The following CLOCK variants were observed in gnomAD, a reference collection of about 807,000 sequenced individuals.
CLOCK encodes the protein circadian locomoter output cycles protein kaput.
In CLOCK, 43 loss-of-function variants were observed where a neutral mutation model predicts 118.4. The ratio of observed to expected loss-of-function variants is 0.36; its 90% confidence interval spans 0.28 to 0.47. CLOCK has a LOEUF of 0.47. CLOCK is among the 20% of genes least tolerant of loss of function. CLOCK has a pLI of 1.00. For synonymous variants in CLOCK, 326 were observed against 339.2 expected (o/e 0.96, Z 0.43); for missense variants, 846 against 999.9 (o/e 0.85, Z 2.08).
At chr4:55,475,403 A>C (rs1726438599) in intron 7 of CLOCK, among the ~76,000 whole-genome samples, 1 of 152,232 alleles carries the variant, frequency 6.6e-6, no homozygotes, top group Non-Finnish European at 1.5e-5. Context: ...ACATGACAGC[A>C]AAGGATACAG....
chr4:55,508,079 T>C (rs1051382668), intron 2 of CLOCK, among the ~76,000 whole-genome samples: 1 of 152,198 alleles, frequency 6.6e-6, no homozygotes, highest in African/African-American at 2.4e-5. Context: ...TCTCCTAATA[T>C]AGTACTTAAC....
intron 21 of CLOCK, among the ~76,000 whole-genome samples, chr4:55,439,135 C>G (rs1285329979): frequency 6.6e-6 from 1 of 152,064 alleles, no homozygotes; most frequent in African/African-American, 2.4e-5. Flanking sequence ...GGATTAGTAA[C>G]CAGAATGTCT....
At chr4:55,527,961 G>A (rs1730311389) in intron 1 of CLOCK, among the ~76,000 whole-genome samples, 2 of 151,618 alleles carry the variant, frequency 1.3e-5, no homozygotes, top group Admixed American at 1.3e-4. Context: ...TAGCCTAGGA[G>A]TTCAAGGCTG....
chr4:55,495,843 G>A (rs1381540370), intron 2 of CLOCK, among the ~76,000 whole-genome samples: 2 of 152,004 alleles, frequency 1.3e-5, no homozygotes, highest in African/African-American at 4.8e-5. Flanking sequence ...AACTGGGATA[G>A]CATGTGATCC....
intron 11 of CLOCK, among the ~76,000 whole-genome samples, chr4:55,458,275 T>C (rs1417929934): frequency 6.6e-6 from 1 of 152,154 alleles, no homozygotes; most frequent in Non-Finnish European, 1.5e-5. Context: ...TTGCCCAGGC[T>C]GGTCTCAAAC....
intron 2 of CLOCK, among the ~76,000 whole-genome samples, chr4:55,490,486 G>A (rs1727595096): frequency 6.6e-6 from 1 of 152,062 alleles, no homozygotes; most frequent in Non-Finnish European, 1.5e-5. Context: ...GGAAAGCATA[G>A]ATTTAAACAG....
intron 1 of CLOCK, among the ~76,000 whole-genome samples, chr4:55,510,904 G>C (rs879403904): frequency 1.1e-4 from 17 of 152,108 alleles, no homozygotes; most frequent in Non-Finnish European, 1.9e-4. Context: ...AAAAGGTGAA[G>C]CAATTTGCCC....
chr4:55,501,458 C>T (rs1341535360), intron 2 of CLOCK: 1 of 141,962 alleles, frequency 7.0e-6, no homozygotes, highest in Non-Finnish European at 1.6e-5. Context: ...CACTCTGTCA[C>T]TCAGGCTAGA....
intron 1 of CLOCK, among the ~76,000 whole-genome samples, chr4:55,514,500 TC>T (rs34028624): frequency 2.6e-4 from 38 of 147,582 alleles, no homozygotes; most frequent in Middle Eastern, 6.9e-3. Context: ...AACATTTTTA[TC>T]CCCCCCCCAC....
intron 2 of CLOCK, among the ~76,000 whole-genome samples, chr4:55,494,067 G>A (rs1426563352): frequency 1.3e-5 from 2 of 152,202 alleles, no homozygotes; most frequent in Non-Finnish European, 2.9e-5. Flanking sequence ...TGCCCACAGA[G>A]TATAGGAGCA....
intron 18 of CLOCK, among the ~76,000 whole-genome samples, chr4:55,446,146 T>G (rs1270846481): frequency 6.9e-6 from 1 of 145,432 alleles, no homozygotes; most frequent in African/African-American, 2.6e-5. Flanking sequence ...CAAGCTGGAA[T>G]GCAGTGGTGT....
At chr4:55,535,696 G>C (rs552427352) in intron 1 of CLOCK, among the ~76,000 whole-genome samples, 1 of 150,794 alleles carries the variant, frequency 6.6e-6, no homozygotes, top group Non-Finnish European at 1.5e-5. Flanking sequence ...AGGAGCTGTG[G>C]AAGCATGGGA....
intron 1 of CLOCK, among the ~76,000 whole-genome samples, chr4:55,537,471 T>G (rs1211573371): frequency 4.0e-5 from 6 of 151,874 alleles, no homozygotes; most frequent in African/African-American, 1.5e-4. Context: ...ATACAAAAAT[T>G]AGCCAGGCAT....
chr4:55,467,686 C>T (rs1328584191), intron 8 of CLOCK, among the ~76,000 whole-genome samples: 1 of 152,040 alleles, frequency 6.6e-6, no homozygotes, highest in Non-Finnish European at 1.5e-5. Context: ...GGATTCTTTC[C>T]CTGGGTTTTC....
chr4:55,473,321 C>T (rs763240905), intron 7 of CLOCK, among the ~76,000 whole-genome samples: 3 of 152,032 alleles, frequency 2.0e-5, no homozygotes, highest in Admixed American at 6.5e-5. Context: ...TATTATGACA[C>T]ACAGATACTA....
At chr4:55,527,455 CA>C (rs1730281587) in intron 1 of CLOCK, among the ~76,000 whole-genome samples, 1 of 152,068 alleles carries the variant, frequency 6.6e-6, no homozygotes, top group South Asian at 2.1e-4. Flanking sequence ...ATAGCTTGCC[CA>C]TATATTTTCT....
chr4:55,516,119 T>A (rs1729494562), intron 1 of CLOCK, among the ~76,000 whole-genome samples: 1 of 152,166 alleles, frequency 6.6e-6, no homozygotes, highest in African/African-American at 2.4e-5. Flanking sequence ...TGGCCCAAAA[T>A]GTTGTCTCTT....
intron 1 of CLOCK, among the ~76,000 whole-genome samples, chr4:55,512,758 C>T (rs1444665007): frequency 1.3e-5 from 2 of 152,106 alleles, no homozygotes; most frequent in East Asian, 1.9e-4. Context: ...TAAGGTCTGT[C>T]GAGATTCATT....
At chr4:55,496,281 A>AT (rs1553899092) in intron 2 of CLOCK, among the ~76,000 whole-genome samples, 98 of 151,874 alleles carry the variant, frequency 6.5e-4, no homozygotes, top group African/African-American at 2.3e-3. Context: ...GAAAAAAAAA[A>AT]CTGTGCCAGC....
Sources: allele counts gnomAD v4.1 joint callset (sites outside exome capture counted in the v4.1 genomes callset), GRCh38; gene constraint gnomAD v4.1.1; transcripts MANE v1.5; gene names NCBI Gene and HGNC (gene_info 2026-07-23, HGNC 2026-07-21).